KIF12: variants seen among roughly 807,000 people sequenced by gnomAD.
The protein encoded by KIF12 is kinesin family member 12.
In KIF12, 80 loss-of-function variants were observed where a neutral mutation model predicts 87.9. The ratio of observed to expected loss-of-function variants is 0.91; its 90% confidence interval spans 0.76 to 1.10. KIF12 has a LOEUF of 1.10. Ranked by LOEUF, KIF12 falls within the 50% of genes least tolerant of loss-of-function variation. KIF12 has a pLI of 0.00. For synonymous variants in KIF12, 353 were observed against 348.5 expected, an observed-to-expected ratio of 1.01 and a Z score of -0.14; for missense variants, 819 against 865.3, an observed-to-expected ratio of 0.95 and a Z score of 0.67.
chr9:114,091,665 G>T lies in KIF12; in HGVS notation c.*196C>A. The T allele has an allele frequency of 1.9e-6, 1 of 527,390 alleles. No individual in the cohort carries two copies. Among genetic ancestry groups the T allele is most frequent in the Non-Finnish European group, 3.3e-6 (1 of 303,054 alleles). The allele number at this position is 527,390 out of a possible 1,614,324, so 32.7% of individuals were successfully genotyped here. A position where few individuals can be genotyped will look rare whatever the true frequency, so the allele number is the denominator to read the frequency against. On this transcript the variant is annotated 3_prime_UTR_variant, in exon 19 of 19. Transcript: ENST00000640217. ...GGAGCTGATGCCTCTCTTTATTCAT[G>T]TATTTCATCCCCTGCTGCCTGGTTT...
chr9:114,096,727 A>G (rs530841010), intron 7 of KIF12, among the ~76,000 whole-genome samples: 16 of 152,276 alleles, frequency 1.1e-4, no homozygotes, highest in African/African-American at 3.9e-4. Context: ...CATCTCTCCC[A>G]CTGCTTCGTG....
In KIF12 at chr9:114,092,537, C is replaced by T; in HGVS notation, c.1697+5G>A. On this transcript the variant is annotated splice_donor_5th_base_variant and intron_variant, in intron 17 of 18. Coordinates refer to ENST00000640217, the MANE Select transcript of KIF12 (RefSeq NM_001388308.1). ...TCTGACCTCAGTGCCCCAGGAGAGA[C>T]CCACCTCTCTCTTGGGCACTTGGCA... 6.2e-7 allele frequency: 1 copy of T among 1,612,780 alleles called. No homozygotes were observed. Among genetic ancestry groups the T allele is most frequent in the Non-Finnish European group, 8.5e-7 (1 of 1,179,786 alleles).
rs1165748609 is a variant in KIF12 at position 114,094,291 on chromosome 9, G to A, written c.1223-20C>T. ...CTGAGGCTGCAGGGAAGCAGGAGGT[G>A]GTGGATCCACAGGAGCCCCAGACCC... is the stretch of plus-strand genomic sequence containing the variant. On this transcript the variant is annotated intron_variant, in intron 12 of 18. Coordinates refer to ENST00000640217, the MANE Select transcript of KIF12 (RefSeq NM_001388308.1). 10 of 1,612,948 alleles carry A rather than the reference G, an allele frequency of 6.2e-6. No homozygotes were observed. Among genetic ancestry groups the A allele is most frequent in the Non-Finnish European group, 8.5e-6 (10 of 1,178,956 alleles).
At chr9:114,097,781 T>C in intron 5 of KIF12, 40 bp from the exon 6 acceptor site, 2 of 1,592,390 alleles carry the variant, frequency 1.3e-6, no homozygotes, top group Non-Finnish European at 1.7e-6. Flanking sequence ...ATCTCCACAG[T>C]AATAACTACC....
intron 14 of KIF12, 126 bp downstream of exon 14, chr9:114,093,760 C>T: frequency 1.3e-6 from 1 of 788,588 alleles, no homozygotes; most frequent in Non-Finnish European, 2.1e-6. Context: ...TAGTAGGTGG[C>T]AGAGCTGGAA....
At chr9:114,095,466 C>T in intron 9 of KIF12, 134 bp from the exon 10 acceptor site, 1 of 956,704 alleles carries the variant, frequency 1.0e-6, no homozygotes, top group Non-Finnish European at 1.5e-6. Flanking sequence ...GATCTCATGA[C>T]TCAGTCAGAT....
intron 13 of KIF12, 37 bp downstream of exon 13, chr9:114,094,144 G>T: frequency 6.3e-7 from 1 of 1,583,942 alleles, no homozygotes; most frequent in Non-Finnish European, 8.7e-7. Context: ...GTGATGGGTG[G>T]GGAGCAGCAT....
Position 114,097,152 on chromosome 9 carries a change from CT to C in KIF12, c.646+148del, listed in dbSNP as rs1847265504. The C allele has an allele frequency of 2.3e-5, 19 of 831,066 alleles. 3 individuals are homozygous for C. Among genetic ancestry groups the C allele is most frequent in the Non-Finnish European group, 2.8e-5 (16 of 569,834 alleles). 51.5% of individuals were successfully genotyped at this position (831,066 alleles called of 1,614,324 possible). ...GTGCGGGGAGGCCCTTGGGCCATGC[CT>C]TTGAATTGTGGTTTACTGGTCCTTC... On this transcript the variant is annotated intron_variant, in intron 7 of 18. Transcript: ENST00000640217.
In KIF12 at chr9:114,099,018, G is replaced by T. The variant is rs1199954390; in HGVS notation, c.93-5C>A. 1.9e-6 allele frequency: 3 copies of T among 1,550,214 alleles called. No individual in the cohort carries two copies. In the Admixed American group the frequency reaches 5.9e-5, roughly 30 times the overall value. The stretch of plus-strand genomic sequence containing the variant: ...GCCGCGCTCATGGGACGTACCCTGG[G>T]GTCCGACAGAAGGGCAGATGGTACA... On this transcript the variant is annotated splice_polypyrimidine_tract_variant and splice_region_variant and intron_variant, in intron 2 of 18. Transcript: ENST00000640217.
Position 114,093,436 on chromosome 9 carries a change from AG to A in KIF12, c.1461del (p.Cys488AlafsTer2). ...CAAGGGGGAGCTGGGGCCATCAAGC[AG>A]GGACACGGTGGGGTCAGGCCAGGAC... ...QQGPGLTPPC[P>X]CLMAPAPPCH... is the part of the protein sequence containing the mutation. On this transcript the variant is annotated frameshift_variant, in exon 15 of 19. Transcript: ENST00000640217. LOFTEE classifies it high-confidence loss of function. 6.4e-7 allele frequency: 1 copy of A among 1,570,402 alleles called. No homozygotes were observed. The highest frequency in any genetic ancestry group is 8.6e-7 in the Non-Finnish European group (1 of 1,157,316).
chr9:114,091,787 G>C lies in KIF12; in HGVS notation c.*74C>G. 1 of 1,440,994 alleles carries C rather than the reference G, an allele frequency of 6.9e-7. No homozygotes were observed. The highest frequency in any genetic ancestry group is 9.3e-7 in the Non-Finnish European group (1 of 1,075,076). 89.3% of individuals were successfully genotyped at this position (1,440,994 alleles called of 1,614,324 possible). A position where few individuals can be genotyped will look rare whatever the true frequency, so the allele number is the denominator to read the frequency against. On this transcript the variant is annotated 3_prime_UTR_variant, in exon 19 of 19. Transcript: ENST00000640217. ...CAGCTGCTGTCTCCATTCAGCAGAT[G>C]GGCAGACTGAAGCCCAAGAGTGTGG...
intron 14 of KIF12, 105 bp downstream of exon 14, chr9:114,093,781 G>C (rs1040092332): frequency 2.1e-6 from 2 of 957,294 alleles, no homozygotes; most frequent in Admixed American, 2.1e-5. Flanking sequence ...ACTGAACCTA[G>C]TTGGTCTGAA....
chr9:114,098,415 G>A lies in KIF12; in HGVS notation c.186C>T (p.Gly62=). ...AGCGGAACGCCACTTCTGGACCCCC[G>A]CCTGGAGGACTCACCTGGCGCGGGT... ...GTRTLQVSPP[G]GGPEVAFRFG... Residue 62 remains glycine (G), a synonymous_variant, in exon 4 of 19, where the codon GGC becomes GGT. Transcript: ENST00000640217. The A allele has an allele frequency of 6.6e-7, 1 of 1,512,294 alleles. No homozygotes were observed. The highest frequency in any genetic ancestry group is 2.1e-5 in the Admixed American group (1 of 47,532). The allele number at this position is 1,512,294 out of a possible 1,614,324, so 93.7% of individuals were successfully genotyped here.
rs1458978781 is a variant in KIF12 at position 114,092,612 on chromosome 9, G to C, written c.1627C>G (p.Pro543Ala). The C allele has an allele frequency of 6.3e-7, 1 of 1,598,976 alleles. No individual in the cohort carries two copies. Among genetic ancestry groups the C allele is most frequent in the Non-Finnish European group, 8.5e-7 (1 of 1,175,378 alleles). The stretch of plus-strand genomic sequence containing the variant: ...CAGGGTGGGGGCCGGGCAGATGGGG[G>C]CCTGCCACCTGAGGCCTCAGGGTCC... Reference protein sequence around the residue: ...VLDPEASGGRPPSARPPPWAP... With the variant: ...VLDPEASGGRAPSARPPPWAP... Residue 543 changes from proline (P) to alanine (A), a missense_variant, in exon 17 of 19, where the codon CCC becomes GCC. Coordinates refer to ENST00000640217, the MANE Select transcript of KIF12 (RefSeq NM_001388308.1).
At chr9:114,094,324 A>G (rs1332237348) in intron 12 of KIF12, 29 bp downstream of exon 12, 1 of 1,610,192 alleles carries the variant, frequency 6.2e-7, no homozygotes, top group East Asian at 2.2e-5. Flanking sequence ...CCCTATCCCC[A>G]TCCTACTCTG....
chr9:114,094,414 C>G lies in KIF12; in HGVS notation c.1161G>C (p.Met387Ile). Residue 387 changes from methionine (M) to isoleucine (I), a missense_variant, in exon 12 of 19, where the codon ATG (methionine) becomes ATC (isoleucine). By Grantham distance (10) the Met-to-Ile change is conservative. Transcript: ENST00000640217. Reference sequence around the variant, plus strand: ...GACGGTTCTCCTCCTGGAGCTGCAGCATCTCTGTCTCCAAACGCTGGGGCT... The same window carrying G: ...GACGGTTCTCCTCCTGGAGCTGCAGGATCTCTGTCTCCAAACGCTGGGGCT... Reference protein sequence around the residue: ...AKQPQRLETEMLQLQEENRRL... With the variant: ...AKQPQRLETEILQLQEENRRL... 1.2e-6 allele frequency: 2 copies of G among 1,614,018 alleles called. No individual in the cohort carries two copies. The highest frequency in any genetic ancestry group is 1.7e-6 in the Non-Finnish European group (2 of 1,179,892).
chr9:114,097,895 G>A (rs2134908435), intron 5 of KIF12, 154 bp from the exon 6 acceptor site: 1 of 1,035,554 alleles, frequency 9.7e-7, no homozygotes, highest in East Asian at 2.6e-5. Flanking sequence ...TTTTACAGAT[G>A]AGAAAACTGA....
chr9:114,098,310 C>G lies in KIF12; in HGVS notation c.291G>C (p.Ala97=). 4.8e-6 allele frequency: 7 copies of G among 1,466,394 alleles called. No homozygotes were observed. The highest frequency in any genetic ancestry group is 6.3e-6 in the Non-Finnish European group (7 of 1,114,344). 90.8% of individuals were successfully genotyped at this position (1,466,394 alleles called of 1,614,324 possible). A position where few individuals can be genotyped will look rare whatever the true frequency, so the allele number is the denominator to read the frequency against. Reference sequence around the variant, plus strand: ...GGCGAAGCTTCACTCACCCGCGCAGCGCCAGCTCCCCCAGGCGCCGCACGC... The same window carrying G: ...GGCGAAGCTTCACTCACCCGCGCAGGGCCAGCTCCCCCAGGCGCCGCACGC... ...ACGVRRLGEL[A]LRGFSCTVFT... Residue 97 remains alanine (A), a synonymous_variant, in exon 4 of 19, where the codon GCG becomes GCC. Transcript: ENST00000640217.
chr9:114,095,426 G>C, intron 9 of KIF12, 94 bp from the exon 10 acceptor site: 1 of 1,343,878 alleles, frequency 7.4e-7, no homozygotes, highest in South Asian at 1.4e-5. Context: ...ACCCAGGCCT[G>C]TGTTGCCCTA....
Sources: gnomAD v4.1 joint callset for allele counts (sites outside exome capture counted in the v4.1 genomes callset) on GRCh38, gnomAD v4.1.1 for gene constraint, MANE v1.5 for transcripts, NCBI Gene and HGNC (gene_info 2026-07-23, HGNC 2026-07-21) for gene names.